TMCC2: variants seen among roughly 807,000 people sequenced by gnomAD.
The protein encoded by TMCC2 is transmembrane and coiled-coil domains protein 2.
Under a neutral mutation model 49.4 loss-of-function variants are expected in TMCC2, and 16 were observed. The ratio of observed to expected loss-of-function variants is 0.32; its 90% CI spans 0.22 to 0.49. TMCC2 has a LOEUF of 0.49. Among genes scored for constraint, TMCC2 ranks in the 20% least tolerant of loss-of-function variants. The pLI, the probability that TMCC2 is intolerant of heterozygous loss-of-function variation, is 0.99. For missense variants in TMCC2, 762 were observed against 989.8 expected, an observed-to-expected ratio of 0.77 and a Z score of 3.09; for synonymous variants, 397 against 434.1, an observed-to-expected ratio of 0.91 and a Z score of 1.06.
At chr1:205,229,063 G>C in intron 1 of TMCC2, 2 of 1,248,768 alleles carry the variant, frequency 1.6e-6, no homozygotes, top group Admixed American at 3.5e-5. Flanking sequence ...GCAGACAAAG[G>C]GCTGGAGAAA....
intron 2 of TMCC2, among the ~76,000 whole-genome samples, chr1:205,261,022 A>G (rs1206583372): frequency 2.0e-5 from 3 of 152,236 alleles, no homozygotes; most frequent in Admixed American, 6.5e-5. Context: ...CTCATTTTCA[A>G]TTCGTTTGGG....
chr1:205,253,486 C>G (rs1017243720), intron 2 of TMCC2, among the ~76,000 whole-genome samples: 7 of 152,144 alleles, frequency 4.6e-5, no homozygotes, highest in African/African-American at 1.7e-4. Context: ...AGCCAGAGAC[C>G]CCCTGCCACA....
chr1:205,269,320 C>A lies in TMCC2; in HGVS notation c.1118C>A (p.Pro373His). The change falls in exon 3 of 5, where the codon CCC (proline) becomes CAC (histidine). Residue 373 changes from proline (P) to histidine (H), a missense_variant. By Grantham distance (77) the Pro-to-His change is moderately conservative. Around this residue, in one of 2 missense-constraint regions of TMCC2, gnomAD observed 440 missense variants for 636.7 expected, o/e 0.69. Transcript: ENST00000358024. ...GAGCAGAACGGGCCCTCGCGGCAGC[C>A]CAAGGACGTGCTGCGGGACATGCAG... is the stretch of plus-strand genomic sequence containing the variant. ...EIEQNGPSRQ[P>H]KDVLRDMQQG... is the part of the protein sequence containing the mutation. 1 of 1,613,362 alleles carries A rather than the reference C, an allele frequency of 6.2e-7. No individual in the cohort carries two copies. The highest frequency in any genetic ancestry group is 1.1e-5 in the South Asian group (1 of 91,082).
chr1:205,248,994 G>A (rs1294583779), intron 2 of TMCC2, among the ~76,000 whole-genome samples: 2 of 152,182 alleles, frequency 1.3e-5, no homozygotes, highest in African/African-American at 4.8e-5. Context: ...AGAGCTGGGA[G>A]GGCTTCTGGA....
intron 1 of TMCC2, chr1:205,230,012 A>G: frequency 1.0e-6 from 1 of 985,466 alleles, no homozygotes; most frequent in South Asian, 4.7e-5. Flanking sequence ...TTTTCTCCAG[A>G]GAAGGTGCAG....
chr1:205,268,780 G>A, intron 2 of TMCC2, 170 bp from the exon 3 acceptor site: 2 of 643,298 alleles, frequency 3.1e-6, no homozygotes, highest in Non-Finnish European at 5.3e-6. Flanking sequence ...GAGAGCAGAT[G>A]TGAAAGCCCT....
rs560760723 is a variant in TMCC2 at position 205,261,113 on chromosome 1, TC to T, written c.748-7835del. 1.4e-4 allele frequency among the ~76,000 whole-genome samples: 21 copies of T among 152,280 alleles called. No homozygotes were observed. In the East Asian group the frequency reaches 4.1e-3, roughly 29 times the overall value. Reference sequence around the variant, plus strand: ...TTTTTGAGGAACTCCCAAACTGTTTTCCACATCAGCTGTGCTGTTTTATGTT... The same window carrying T: ...TTTTTGAGGAACTCCCAAACTGTTTTCACATCAGCTGTGCTGTTTTATGTT... On this transcript the variant is annotated intron_variant, in intron 2 of 4. Coordinates refer to ENST00000358024, the MANE Select transcript of TMCC2 (RefSeq NM_014858.4).
chr1:205,232,401 G>C (rs1659835394), intron 1 of TMCC2, among the ~76,000 whole-genome samples: 1 of 152,140 alleles, frequency 6.6e-6, no homozygotes, highest in African/African-American at 2.4e-5. Flanking sequence ...TTGGATTCCT[G>C]TTGAAACACT....
rs1380609057 is a variant in TMCC2 at position 205,228,531 on chromosome 1, AAG to A, written c.-33_-32del. On this transcript the variant is annotated 5_prime_UTR_variant, in exon 1 of 5. Coordinates refer to ENST00000358024, the MANE Select transcript of TMCC2 (RefSeq NM_014858.4). ...GGTCTTCCCCAAGACGGCGCGCTGG[AAG>A]GACAGATTCCCCTTGCCGACCCACA... The A allele has an allele frequency of 1.1e-5, 18 of 1,569,526 alleles. No homozygotes were observed. Among genetic ancestry groups the A allele is most frequent in the Non-Finnish European group, 1.6e-5 (18 of 1,151,610 alleles).
chr1:205,248,374 A>C (rs1244504907), intron 2 of TMCC2, among the ~76,000 whole-genome samples: 2 of 152,134 alleles, frequency 1.3e-5, no homozygotes, highest in Non-Finnish European at 2.9e-5. Flanking sequence ...GCACCACTGC[A>C]CTCCAGCCTG....
In TMCC2 at chr1:205,272,024, G is replaced by A. The variant is rs1300001544; in HGVS notation, c.2030G>A (p.Arg677His). ...ACGCCCCTCATGAAGACACGCCTGC[G>A]CATCACCAGCACCACCCTCCTGGTC... ...FITPLMKTRLRITSTTLLVLV... is the reference protein window; with the variant it reads ...FITPLMKTRLHITSTTLLVLV... Residue 677 changes from arginine to histidine, a missense_variant, in exon 5 of 5, where the codon CGC becomes CAC. Arg to His is a conservative substitution (Grantham distance 29, BLOSUM62 0). This residue lies in a region of TMCC2 where 440 missense variants were observed against 636.7 expected (regional missense o/e 0.69). Transcript: ENST00000358024. The A allele has an allele frequency of 5.0e-6, 8 of 1,614,028 alleles. No individual in the cohort carries two copies. The highest frequency in any genetic ancestry group is 4.5e-5 in the East Asian group (2 of 44,898).
intron 2 of TMCC2, among the ~76,000 whole-genome samples, chr1:205,263,366 TC>T (rs1433501659): frequency 2.6e-5 from 4 of 152,180 alleles, no homozygotes; most frequent in Non-Finnish European, 5.9e-5. Context: ...AGAACTCCTT[TC>T]TTTTTCCTTG....
chr1:205,271,011 C>A, intron 3 of TMCC2, 109 bp from the exon 4 acceptor site: 1 of 1,458,688 alleles, frequency 6.9e-7, no homozygotes, highest in Non-Finnish European at 9.3e-7. Flanking sequence ...GAGCTGGACA[C>A]GGGGGATGGG....
In TMCC2 at chr1:205,271,917, G is replaced by A. The variant is rs756045383; in HGVS notation, c.1923G>A (p.Ala641=). ...GCGTGGAGAATGCCAACGCGCGGGC[G>A]CTGCTGGGCAAGTTCATCAACGTGA... ...LEGVENANAR[A]LLGKFINVIL... Residue 641 remains alanine (A), a synonymous_variant, in exon 5 of 5, where the codon GCG becomes GCA. Coordinates refer to ENST00000358024, the MANE Select transcript of TMCC2 (RefSeq NM_014858.4). 26 of 1,614,088 alleles carry A rather than the reference G, an allele frequency of 1.6e-5. No individual in the cohort carries two copies. The highest frequency in any genetic ancestry group is 8.8e-5 in the South Asian group (8 of 91,092).
intron 2 of TMCC2, among the ~76,000 whole-genome samples, chr1:205,244,473 G>A (rs1245939443): frequency 6.6e-6 from 1 of 152,224 alleles, no homozygotes; most frequent in Non-Finnish European, 1.5e-5. Context: ...GAGAGCAGGA[G>A]GGGAGGTGGG....
intron 2 of TMCC2, among the ~76,000 whole-genome samples, chr1:205,251,577 C>T (rs1353089638): frequency 6.6e-6 from 1 of 152,224 alleles, no homozygotes; most frequent in Non-Finnish European, 1.5e-5. Context: ...CTTTGGGCAT[C>T]TGGAAAGGCG....
chr1:205,261,125 G>T (rs985884168), intron 2 of TMCC2, among the ~76,000 whole-genome samples: 2 of 151,118 alleles, frequency 1.3e-5, no homozygotes, highest in African/African-American at 4.9e-5. Flanking sequence ...CACATCAGCT[G>T]TGCTGTTTTA....
At chr1:205,234,378 G>A (rs1048111216) in intron 1 of TMCC2, among the ~76,000 whole-genome samples, 6 of 151,994 alleles carry the variant, frequency 3.9e-5, no homozygotes, top group South Asian at 2.1e-4. Context: ...CCTGGGAGGC[G>A]GAGGTTGCAG....
chr1:205,228,665 G>A lies in TMCC2; in HGVS notation c.101G>A (p.Arg34Gln), dbSNP rs1659662669. Residue 34 changes from arginine (R) to glutamine (Q), a missense_variant, in exon 1 of 5, where the codon CGG (arginine) becomes CAG (glutamine). Physicochemically the swap from Arg to Gln is conservative, Grantham distance 43. Coordinates refer to ENST00000358024, the MANE Select transcript of TMCC2 (RefSeq NM_014858.4). Reference protein sequence around the residue: ...AASHLPGADLRPGETTGANSA... With the variant: ...AASHLPGADLQPGETTGANSA... ...TCCCACCTGCCGGGCGCGGACCTCC[G>A]GCCTGGGGAGACCACGGGTGCTAAC... is the stretch of plus-strand genomic sequence containing the variant. 5.0e-6 allele frequency: 8 copies of A among 1,613,100 alleles called. No individual in the cohort carries two copies. The highest frequency in any genetic ancestry group is 6.8e-6 in the Non-Finnish European group (8 of 1,179,904).
Sources: allele counts gnomAD v4.1 joint callset (sites outside exome capture counted in the v4.1 genomes callset), GRCh38; gene constraint gnomAD v4.1.1; regional missense constraint gnomAD v4.1.1; transcripts MANE v1.5; gene names NCBI Gene and HGNC (gene_info 2026-07-23, HGNC 2026-07-21).